DENND5A: variants seen among roughly 807,000 people sequenced by gnomAD.
The protein encoded by DENND5A is DENN domain containing 5A, also known as DENN domain-containing protein 5A.
In DENND5A, 64 loss-of-function variants were observed where a neutral mutation model predicts 140.3. The ratio of observed to expected loss-of-function variants is 0.46; its 90% CI spans 0.37 to 0.56. DENND5A has a LOEUF of 0.56. DENND5A is among the 20% of genes least tolerant of loss of function. The pLI, the probability that DENND5A is intolerant of heterozygous loss-of-function variation, is 0.00. For missense variants in DENND5A, 1,292 were observed against 1,593.8 expected (o/e 0.81, Z 3.22); for synonymous variants, 605 against 607.7 (o/e 1.00, Z 0.07).
At chr11:9,250,499 T>C (rs1053715964) in intron 1 of DENND5A, among the ~76,000 whole-genome samples, 1 of 152,086 alleles carries the variant, frequency 6.6e-6, no homozygotes, top group Non-Finnish European at 1.5e-5. Context: ...ATTTCAACGA[T>C]TATGCCACTG....
At chr11:9,253,803 T>C (rs1239876463) in intron 1 of DENND5A, among the ~76,000 whole-genome samples, 3 of 150,962 alleles carry the variant, frequency 2.0e-5, no homozygotes, top group Non-Finnish European at 3.0e-5. Flanking sequence ...GAGGTCAAGG[T>C]TGTAGTAAAC....
Position 9,211,855 on chromosome 11 carries a change from T to C in DENND5A, c.110-4223A>G, listed in dbSNP as rs116969173. On this transcript the variant is annotated intron_variant, in intron 1 of 22. Coordinates refer to ENST00000328194, the MANE Select transcript of DENND5A (RefSeq NM_015213.4). ...GCTGAGGCAGAAGAATCTCTTGAGG[T>C]TGAGGTGGAGATTTCAGTAAGCCAA... Among the ~76,000 whole-genome samples, 22 of 149,886 alleles carry C rather than the reference T, an allele frequency of 1.5e-4. 1 individual carries two copies. In the East Asian group the frequency reaches 3.9e-3, roughly 27 times the overall value.
At chr11:9,209,216 T>C (rs2136219204) in intron 1 of DENND5A, among the ~76,000 whole-genome samples, 1 of 152,324 alleles carries the variant, frequency 6.6e-6, no homozygotes, top group Non-Finnish European at 1.5e-5. Context: ...GACGCCTTCC[T>C]AAAATGGCTC....
At chr11:9,194,543 C>A (rs1207210844) in intron 4 of DENND5A, among the ~76,000 whole-genome samples, 1 of 151,196 alleles carries the variant, frequency 6.6e-6, no homozygotes, top group African/African-American at 2.4e-5. Context: ...CACACGCCAG[C>A]CAGTGACAGA....
chr11:9,180,778 T>G lies in DENND5A; in HGVS notation c.1444A>C (p.Ser482Arg). 1 of 1,614,010 alleles carries G rather than the reference T, an allele frequency of 6.2e-7. No individual in the cohort carries two copies. The highest frequency in any genetic ancestry group is 8.5e-7 in the Non-Finnish European group (1 of 1,179,924). ...TATACACATCTTACCTTTTCCAGGC[T>G]CACCCCAGTTCTCTTGACCAAGGCT... ...LQALVKRTGV[S>R]LEKLEVREDP... The change falls in exon 6 of 23, where the codon AGC becomes CGC. Residue 482 changes from serine to arginine, a missense_variant. Around this residue, in one of 4 missense-constraint regions of DENND5A, gnomAD observed 566 missense variants for 650.4 expected, o/e 0.87. Coordinates refer to ENST00000328194, the MANE Select transcript of DENND5A (RefSeq NM_015213.4).
At chr11:9,256,482 A>G (rs748529282) in intron 1 of DENND5A, among the ~76,000 whole-genome samples, 1 of 152,214 alleles carries the variant, frequency 6.6e-6, no homozygotes, top group East Asian at 1.9e-4. Flanking sequence ...AGAAGAAAAC[A>G]ATCCAATGTC....
At position 9,165,958 on chromosome 11, in the gene DENND5A, G is replaced by A. The variant is rs1554915499; in HGVS notation, c.2161C>T (p.Gln721Ter). ...GTGCTGCCCATAGTCCTGGCTTCCT[G>A]GATGTACTTCTATATCAAACAGAAA... ...LDNDQREKYIQEARTMGSTIR... is the reference protein window; with the variant it reads ...LDNDQREKYI Residue 721 changes from glutamine (Q) to a stop codon, truncating the protein, a stop_gained, in exon 11 of 23, where the codon CAG becomes TAG. Coordinates refer to ENST00000328194, the MANE Select transcript of DENND5A (RefSeq NM_015213.4). LOFTEE classifies it high-confidence loss of function. The A allele has an allele frequency of 6.2e-7, 1 of 1,614,092 alleles. No individual in the cohort carries two copies.
chr11:9,202,785 T>C (rs1849566077), intron 4 of DENND5A, among the ~76,000 whole-genome samples: 1 of 152,192 alleles, frequency 6.6e-6, no homozygotes, highest in Non-Finnish European at 1.5e-5. Flanking sequence ...AGACCGTTTA[T>C]ACTTCCTGTG....
rs570606978 is a variant in DENND5A at position 9,139,536 on chromosome 11, C to T, written c.*135G>A. On this transcript the variant is annotated 3_prime_UTR_variant, in exon 23 of 23. Transcript: ENST00000328194. Reference sequence around the variant, plus strand: ...AAAATAGATTATTTATTCCAAAAATCCTCTAGTTTTCTTTTTACAGTGAGT... The same window carrying T: ...AAAATAGATTATTTATTCCAAAAATTCTCTAGTTTTCTTTTTACAGTGAGT... 1.3e-4 allele frequency: 92 copies of T among 733,960 alleles called. No homozygotes were observed. In the African/African-American group the frequency reaches 1.5e-3, roughly 12 times the overall value. 45.5% of individuals were successfully genotyped at this position (733,960 alleles called of 1,614,324 possible).
At chr11:9,233,367 C>A (rs1200863803) in intron 1 of DENND5A, among the ~76,000 whole-genome samples, 1 of 145,796 alleles carries the variant, frequency 6.9e-6, no homozygotes, top group Non-Finnish European at 1.5e-5. Context: ...CCATTGCACT[C>A]TAGCCTGGGC....
intron 12 of DENND5A, among the ~76,000 whole-genome samples, chr11:9,160,116 ACTT>A (rs1048269828): frequency 6.6e-6 from 1 of 152,202 alleles, no homozygotes. Context: ...CCATGATAAA[ACTT>A]CTTTTCAAAA....
chr11:9,210,538 G>A (rs2136221000), intron 1 of DENND5A, among the ~76,000 whole-genome samples: 1 of 151,752 alleles, frequency 6.6e-6, no homozygotes, highest in Non-Finnish European at 1.5e-5. Context: ...GAAATAAATC[G>A]ACATTTGTTG....
intron 1 of DENND5A, among the ~76,000 whole-genome samples, chr11:9,263,848 C>CAAAA (rs57967676): frequency 3.1e-5 from 2 of 65,068 alleles, no homozygotes; most frequent in African/African-American, 6.2e-5. Context: ...GACTCCGTCT[C>CAAAA]AAAAAAAAAA....
chr11:9,192,241 T>C (rs1849151652), intron 5 of DENND5A, among the ~76,000 whole-genome samples: 1 of 152,204 alleles, frequency 6.6e-6, no homozygotes. Context: ...TGCTGCCCAG[T>C]CATGACCAGT....
At chr11:9,181,356 T>C (rs182090511) in intron 5 of DENND5A, among the ~76,000 whole-genome samples, 152 of 152,290 alleles carry the variant, frequency 1.0e-3, no homozygotes, top group African/African-American at 3.4e-3. Flanking sequence ...ATAAACAATG[T>C]ATGTTAGAGT....
chr11:9,180,863 A>T lies in DENND5A; in HGVS notation c.1359T>A (p.Ala453=). The change falls in exon 6 of 23, where the codon GCT becomes GCA. Residue 453 remains alanine, a synonymous_variant. Transcript: ENST00000328194. ...GCTCGTAGGAATGCAAAGGGGAGCC[A>T]GCAATGTTCCCATTCCTCTTGTCCG... ...LVSDKRNGNI[A]GSPLHSYELL... 1 of 1,614,230 alleles carries T rather than the reference A, an allele frequency of 6.2e-7. No homozygotes were observed. The highest frequency in any genetic ancestry group is 8.5e-7 in the Non-Finnish European group (1 of 1,180,044).
intron 1 of DENND5A, among the ~76,000 whole-genome samples, chr11:9,227,707 T>TC: frequency 6.6e-6 from 1 of 151,876 alleles, no homozygotes; most frequent in Non-Finnish European, 1.5e-5. Flanking sequence ...GCCTGTAATC[T>TC]AACACTATGG....
intron 8 of DENND5A, among the ~76,000 whole-genome samples, chr11:9,175,011 A>G (rs568314092): frequency 5.3e-5 from 8 of 152,290 alleles, no homozygotes; most frequent in Admixed American, 3.9e-4. Context: ...AATAAAAGGT[A>G]TCCAGGGTGG....
At chr11:9,240,179 T>C (rs1483418975) in intron 1 of DENND5A, among the ~76,000 whole-genome samples, 1 of 151,898 alleles carries the variant, frequency 6.6e-6, no homozygotes, top group Non-Finnish European at 1.5e-5. Flanking sequence ...AGGCCAAGGC[T>C]GGTCAGGAGT....
Sources: gnomAD v4.1 joint callset for allele counts (sites outside exome capture counted in the v4.1 genomes callset) on GRCh38, gnomAD v4.1.1 for gene constraint, gnomAD v4.1.1 regional missense constraint, MANE v1.5 for transcripts, NCBI Gene and HGNC (gene_info 2026-07-23, HGNC 2026-07-21) for gene names.